USH2A: variants seen among roughly 807,000 people sequenced by gnomAD.
USH2A encodes usherin.
In USH2A, 443 loss-of-function variants were observed where a neutral mutation model predicts 538.9. That is an observed-to-expected ratio of 0.82 (90% CI 0.76 to 0.89). The LOEUF (loss-of-function observed/expected upper bound fraction) is 0.89. Among genes scored for constraint, USH2A ranks in the 40% least tolerant of loss-of-function variants. The pLI is 0.00. For missense variants in USH2A, 6,633 were observed against 6,324.8 expected, an observed-to-expected ratio of 1.05 and a Z score of -1.65; for synonymous variants, 2,413 against 2,273.5, an observed-to-expected ratio of 1.06 and a Z score of -1.75.
At chr1:215,768,687 G>A (rs1661198115) in intron 55 of USH2A, among the ~76,000 whole-genome samples, 1 of 152,106 alleles carries the variant, frequency 6.6e-6, no homozygotes, top group South Asian at 2.1e-4. Context: ...ATAATGGAAG[G>A]GAACATTCAA....
intron 61 of USH2A, among the ~76,000 whole-genome samples, chr1:215,687,473 C>G (rs895636909): frequency 3.3e-5 from 5 of 151,848 alleles, no homozygotes; most frequent in African/African-American, 9.7e-5. Flanking sequence ...GACAAATTGG[C>G]TGTATCAATT....
At chr1:216,265,817 G>C (rs2036461212) in intron 11 of USH2A, among the ~76,000 whole-genome samples, 1 of 152,032 alleles carries the variant, frequency 6.6e-6, no homozygotes, top group Non-Finnish European at 1.5e-5. Context: ...AATATTACCT[G>C]TTCTGACTCA....
At position 215,888,529 on chromosome 1, in the gene USH2A, C is replaced by T. The variant is rs397518034; in HGVS notation, c.8120G>A (p.Gly2707Glu). ...TACCCAAGCACTGCTGTTTGTGCCTCCATGAAGAGTGCTCATCAGTACCCG... is the reference window on the plus strand; with the variant it reads ...TACCCAAGCACTGCTGTTTGTGCCTTCATGAAGAGTGCTCATCAGTACCCG... ...EYRVLMSTLH[G>E]GTNSSAWVEV... The change falls in exon 41 of 72, where the codon GGA becomes GAA. Residue 2707 changes from glycine (G) to glutamate (E), a missense_variant. Physicochemically the swap from Gly to Glu is moderately conservative, Grantham distance 98. Coordinates refer to ENST00000307340, the MANE Select transcript of USH2A (RefSeq NM_206933.4). 10 of 1,614,018 alleles carry T rather than the reference C, an allele frequency of 6.2e-6. No individual in the cohort carries two copies. The highest frequency in any genetic ancestry group is 3.3e-5 in the Admixed American group (2 of 59,996).
At chr1:216,365,167 G>C in intron 3 of USH2A, 82 bp from the exon 4 acceptor site, 1 of 1,481,736 alleles carries the variant, frequency 6.7e-7, no homozygotes, top group South Asian at 1.3e-5. Flanking sequence ...TTTTTATTAA[G>C]TAACTTTCTT....
At chr1:215,979,049 A>G (rs1667687735) in intron 35 of USH2A, among the ~76,000 whole-genome samples, 1 of 152,004 alleles carries the variant, frequency 6.6e-6, no homozygotes, top group Admixed American at 6.6e-5. Context: ...GATTTAATGG[A>G]CTCCCCAGTT....
At chr1:216,364,613 C>G (rs1267353247) in intron 4 of USH2A, among the ~76,000 whole-genome samples, 1 of 152,040 alleles carries the variant, frequency 6.6e-6, no homozygotes, top group Non-Finnish European at 1.5e-5. Flanking sequence ...GAGGAGAAGG[C>G]CACATGAAGA....
chr1:215,850,956 A>G (rs547977724), intron 44 of USH2A, among the ~76,000 whole-genome samples: 2 of 152,252 alleles, frequency 1.3e-5, no homozygotes, highest in African/African-American at 4.8e-5. Context: ...TTGGGTCAAC[A>G]ATGAAATCAA....
At chr1:215,951,273 C>T (rs1666905713) in intron 37 of USH2A, among the ~76,000 whole-genome samples, 1 of 152,168 alleles carries the variant, frequency 6.6e-6, no homozygotes, top group South Asian at 2.1e-4. Flanking sequence ...TCATTGGTTT[C>T]AAAGAACATT....
At chr1:216,112,211 G>C (rs2032892583) in intron 21 of USH2A, among the ~76,000 whole-genome samples, 1 of 151,948 alleles carries the variant, frequency 6.6e-6, no homozygotes, top group African/African-American at 2.4e-5. Context: ...GAATACCAAA[G>C]TTGTGTTATC....
chr1:215,882,789 A>G (rs1432851073), intron 41 of USH2A, among the ~76,000 whole-genome samples: 3 of 151,862 alleles, frequency 2.0e-5, no homozygotes, highest in African/African-American at 2.4e-5. Context: ...ATTATTTTTT[A>G]TGGTTGCATA....
At position 215,953,718 on chromosome 1, in the gene USH2A, C is replaced by G. The variant is rs906493371; in HGVS notation, c.7120+11599G>C. ...AAAAGCCATAATTGACAAATGGGAT[C>G]TAATTAAACTAAAGAGCTTCTGCAC... On this transcript the variant is annotated intron_variant, in intron 37 of 71. Coordinates refer to ENST00000307340, the MANE Select transcript of USH2A (RefSeq NM_206933.4). 3.3e-5 allele frequency among the ~76,000 whole-genome samples: 5 copies of G among 151,934 alleles called. No individual in the cohort carries two copies. The South Asian group carries it at 8.4e-4, about 25-fold the overall frequency.
intron 30 of USH2A, among the ~76,000 whole-genome samples, chr1:216,050,644 G>A (rs1334638667): frequency 1.7e-5 from 2 of 115,912 alleles, no homozygotes; most frequent in Non-Finnish European, 3.4e-5. Context: ...TCGCTCAGTT[G>A]CCCAGGCTGG....
intron 46 of USH2A, among the ~76,000 whole-genome samples, chr1:215,840,667 G>T (rs1421243589): frequency 6.6e-6 from 1 of 152,142 alleles, no homozygotes; most frequent in African/African-American, 2.4e-5. Context: ...TCTTGATCCA[G>T]AGTCAGAAAG....
chr1:216,257,654 C>T (rs2036284266), intron 11 of USH2A, among the ~76,000 whole-genome samples: 2 of 151,906 alleles, frequency 1.3e-5, no homozygotes, highest in Admixed American at 1.3e-4. Context: ...TCCACCCCAC[C>T]ATTCCTTTAG....
chr1:216,105,367 T>C (rs969303280), intron 21 of USH2A, among the ~76,000 whole-genome samples: 1 of 151,848 alleles, frequency 6.6e-6, no homozygotes, highest in African/African-American at 2.4e-5. Flanking sequence ...TATTGTTTTT[T>C]TTTGACTCCT....
chr1:215,802,019 A>C (rs1255915700), intron 49 of USH2A, among the ~76,000 whole-genome samples: 1 of 120,642 alleles, frequency 8.3e-6, no homozygotes, highest in Non-Finnish European at 1.9e-5. Flanking sequence ...TTAATGAGGA[A>C]AGGACCTTTT....
At chr1:215,917,879 C>T (rs1293782834) in intron 38 of USH2A, among the ~76,000 whole-genome samples, 2 of 151,074 alleles carry the variant, frequency 1.3e-5, no homozygotes, top group Non-Finnish European at 2.9e-5. Flanking sequence ...GGGACAATTG[C>T]TTGAGCCCAG....
intron 35 of USH2A, among the ~76,000 whole-genome samples, chr1:215,984,496 G>A (rs1421739462): frequency 6.6e-6 from 1 of 152,148 alleles, no homozygotes; most frequent in African/African-American, 2.4e-5. Flanking sequence ...GGTTTTTAAG[G>A]TGTTTAATTT....
At position 215,628,737 on chromosome 1, in the gene USH2A, G is replaced by A. The variant is rs899348602; in HGVS notation, c.15519+77C>T. On this transcript the variant is annotated intron_variant, in intron 71 of 71. Transcript: ENST00000307340. ...GGCGAGTGCCATGGGGCAGCATTCG[G>A]TGAAGTACAGGCAGCTCTGTACCAA... 2.4e-4 allele frequency: 360 copies of A among 1,493,136 alleles called. 2 individuals are homozygous for A. In the Middle Eastern group the frequency reaches 5.3e-3, roughly 22 times the overall value. 92.5% of individuals were successfully genotyped at this position (1,493,136 alleles called of 1,614,324 possible).
Sources: allele counts gnomAD v4.1 joint callset (sites outside exome capture counted in the v4.1 genomes callset), GRCh38; gene constraint gnomAD v4.1.1; transcripts MANE v1.5; gene names NCBI Gene and HGNC (gene_info 2026-07-23, HGNC 2026-07-21).